The following NOP14 variants were observed in gnomAD, a reference collection of about 807,000 sequenced individuals.
NOP14 encodes the protein NOP14 nucleolar protein.
NOP14 carries 57 observed loss-of-function variants against 101.6 expected under a neutral mutation model. The ratio of observed to expected loss-of-function variants is 0.56; its 90% CI spans 0.45 to 0.70. NOP14 has a LOEUF of 0.70. Ranked by LOEUF, NOP14 falls within the 30% of genes least tolerant of loss-of-function variation. The pLI is 0.00. For missense variants in NOP14, 1,134 were observed against 1,075.5 expected (o/e 1.05, Z -0.76); for synonymous variants, 428 against 424.0 (o/e 1.01, Z -0.12).
chr4:2,950,652 T>TA (rs1425924264), intron 7 of NOP14: 1 of 201,736 alleles, frequency 5.0e-6, no homozygotes, highest in Non-Finnish European at 1.0e-5. Context: ...CCCTGACTGA[T>TA]ACACTCTTAA....
Position 2,956,691 on chromosome 4 carries a change from C to A in NOP14, c.451G>T (p.Glu151Ter). Reference sequence around the variant, plus strand: ...TCACCAGACAACGTTCCTCGATCCTCAGCATCGCTGTCACTGTCCACAATG... The same window carrying A: ...TCACCAGACAACGTTCCTCGATCCTAAGCATCGCTGTCACTGTCCACAATG... ...NDIVDSDSDA[E>*]DRGTLSAELT... The change falls in exon 3 of 18, where the codon GAG (glutamate) becomes TAG (stop). Residue 151 changes from glutamate to a stop codon, truncating the protein, a stop_gained. Coordinates refer to ENST00000416614, the MANE Select transcript of NOP14 (RefSeq NM_001291978.2). LOFTEE classifies it high-confidence loss of function. 1 of 1,612,952 alleles carries A rather than the reference C, an allele frequency of 6.2e-7. No homozygotes were observed. Among genetic ancestry groups the A allele is most frequent in the Non-Finnish European group, 8.5e-7 (1 of 1,179,696 alleles).
intron 6 of NOP14, among the ~76,000 whole-genome samples, chr4:2,951,639 G>T (rs953271829): frequency 1.3e-5 from 2 of 152,082 alleles, no homozygotes; most frequent in Non-Finnish European, 2.9e-5. Context: ...CTGGACACGG[G>T]AAGAAGCTAG....
intron 1 of NOP14, among the ~76,000 whole-genome samples, chr4:2,959,340 T>C (rs183569196): frequency 0.018 from 2,687 of 152,244 alleles, 45 homozygotes; most frequent in Non-Finnish European, 0.027. Flanking sequence ...CGCCTGTAAT[T>C]CCAGCACTCT....
chr4:2,938,390 C>T lies in NOP14; in HGVS notation c.*441G>A, dbSNP rs1288807873. The T allele has an allele frequency of 1.3e-5, 5 of 393,306 alleles. No individual in the cohort carries two copies. The East Asian group carries it at 2.4e-4, about 19-fold the overall frequency. The allele number at this position is 393,306 out of a possible 1,614,324, so 24.4% of individuals were successfully genotyped here. A position where few individuals can be genotyped will look rare whatever the true frequency, so the allele number is the denominator to read the frequency against. Reference sequence around the variant, plus strand: ...ACAAAATTAGCTGGGCGTGGTGGCACATGTCTGTAATCCCAGCTACTCGGG... The same window carrying T: ...ACAAAATTAGCTGGGCGTGGTGGCATATGTCTGTAATCCCAGCTACTCGGG... On this transcript the variant is annotated 3_prime_UTR_variant, in exon 18 of 18. Transcript: ENST00000416614.
chr4:2,959,377 G>T (rs566318915), intron 1 of NOP14, among the ~76,000 whole-genome samples: 2 of 152,112 alleles, frequency 1.3e-5, no homozygotes, highest in Non-Finnish European at 2.9e-5. Context: ...CGGATCACGA[G>T]GTTAGAAGAT....
chr4:2,955,505 ACCACAGCGCCCCCTCTAGTCACCTGCACG>A (rs1715293515), intron 3 of NOP14, among the ~76,000 whole-genome samples: 2 of 125,858 alleles, frequency 1.6e-5, no homozygotes, highest in Admixed American at 1.7e-4. Context: ...AGTCACCTGC[ACCACAGCGCCCCCTCTAGTCACCTGCACG>A]CCACGGCGCC....
rs771860782 is a variant in NOP14 at position 2,939,218 on chromosome 4, G to A, written c.2444C>T (p.Ala815Val). ...CATGATTTCTGAGAGTTGCATCCTC[G>A]CCAGGAACTGATTGTCCTTGCGGAT... ...REIRKDNQFLARMQLSEIMER... is the reference protein window; with the variant it reads ...REIRKDNQFLVRMQLSEIMER... Residue 815 changes from alanine to valine, a missense_variant, in exon 17 of 18, where the codon GCG becomes GTG. By Grantham distance (64) the Ala-to-Val change is moderately conservative. Coordinates refer to ENST00000416614, the MANE Select transcript of NOP14 (RefSeq NM_001291978.2). The A allele has an allele frequency of 6.2e-7, 1 of 1,613,940 alleles. No homozygotes were observed.
At chr4:2,951,452 G>C (rs1715024060) in intron 6 of NOP14, among the ~76,000 whole-genome samples, 1 of 152,144 alleles carries the variant, frequency 6.6e-6, no homozygotes, top group South Asian at 2.1e-4. Context: ...AAAATCAACT[G>C]TTCAAACTTT....
In NOP14 at chr4:2,947,601, CCAAA is replaced by C; in HGVS notation, c.1420_1423del (p.Phe474AlafsTer57). 1.7e-5 allele frequency: 28 copies of C among 1,613,750 alleles called. No individual in the cohort carries two copies. The highest frequency in any genetic ancestry group is 2.4e-5 in the Non-Finnish European group (28 of 1,179,716). ...ATCGCCAACGTATTCCAAAAGAAAG[CCAAA>C]CAGTTTCTGCAGGAACATGAATTGG... On this transcript the variant is annotated frameshift_variant, in exon 10 of 18. Coordinates refer to ENST00000416614, the MANE Select transcript of NOP14 (RefSeq NM_001291978.2). LOFTEE classifies it high-confidence loss of function.
At chr4:2,941,235 G>C (rs1348589244) in intron 15 of NOP14, 1 of 248,422 alleles carries the variant, frequency 4.0e-6, no homozygotes, top group Non-Finnish European at 7.9e-6. Flanking sequence ...GACCATCCTT[G>C]GAAAACCCAT....
At position 2,960,793 on chromosome 4, in the gene NOP14, AATATTAAT is replaced by A. The variant is rs1470624237; in HGVS notation, c.195+2324_195+2331del. Among the ~76,000 whole-genome samples the A allele has an allele frequency of 3.3e-5, 3 of 91,594 alleles. 1 individual carries two copies. In the South Asian group the frequency reaches 8.4e-4, roughly 26 times the overall value. 60.1% of individuals were successfully genotyped at this position (91,594 alleles called of 152,430 possible). A position where few individuals can be genotyped will look rare whatever the true frequency, so the allele number is the denominator to read the frequency against. On this transcript the variant is annotated intron_variant, in intron 1 of 17. Transcript: ENST00000416614. ...AATATATTAATATTATAATCACATT[AATATTAAT>A]ATATTAATATTATAATCACATTATC...
intron 1 of NOP14, among the ~76,000 whole-genome samples, chr4:2,961,116 A>G (rs1206183241): frequency 4.2e-5 from 4 of 95,446 alleles, no homozygotes; most frequent in African/African-American, 2.1e-4. Context: ...TTAATAATAT[A>G]TTAATATTAT....
At position 2,944,138 on chromosome 4, in the gene NOP14, A is replaced by G. The variant is rs1295330636; in HGVS notation, c.1826T>C (p.Ile609Thr). 3 of 1,613,958 alleles carry G rather than the reference A, an allele frequency of 1.9e-6. No individual in the cohort carries two copies. The highest frequency in any genetic ancestry group is 8.5e-7 in the Non-Finnish European group (1 of 1,179,936). ...LEYVALSQRF[I>T]PELINFLLGI... ...AAGAAGAAAATTAATAAGCTCAGGT[A>G]TAAACCTCTGGGACAAAGCCACATA... is the stretch of plus-strand genomic sequence containing the variant. The change falls in exon 13 of 18, where the codon ATA becomes ACA. Residue 609 changes from isoleucine to threonine, a missense_variant. Ile to Thr is a moderately conservative substitution (Grantham distance 89). Coordinates refer to ENST00000416614, the MANE Select transcript of NOP14 (RefSeq NM_001291978.2).
chr4:2,942,006 A>G, intron 14 of NOP14, 186 bp downstream of exon 14: 1 of 652,344 alleles, frequency 1.5e-6, no homozygotes. Context: ...AAGCAAATGT[A>G]TTTTGAAAAT....
In NOP14 at chr4:2,938,310, C is replaced by T. The variant is rs191535552; in HGVS notation, c.*521G>A. ...CCAAGGCAGGTGGATTACCTGAGGT[C>T]GGGAATTCGAGACCAGCCTGACCAA... On this transcript the variant is annotated 3_prime_UTR_variant, in exon 18 of 18. Coordinates refer to ENST00000416614, the MANE Select transcript of NOP14 (RefSeq NM_001291978.2). 338 of 969,568 alleles carry T rather than the reference C, an allele frequency of 3.5e-4. 1 individual carries two copies. In the African/African-American group the frequency reaches 3.9e-3, roughly 11 times the overall value. 60.1% of individuals were successfully genotyped at this position (969,568 alleles called of 1,614,324 possible).
chr4:2,947,896 C>T (rs532468109), intron 9 of NOP14, among the ~76,000 whole-genome samples: 53 of 152,368 alleles, frequency 3.5e-4, no homozygotes, highest in African/African-American at 1.2e-3. Context: ...ACGGGCAGCA[C>T]GGCGTCCTCC....
rs1560311946 is a variant in NOP14 at position 2,961,131 on chromosome 4, ATAT to A, written c.195+1991_195+1993del. Among the ~76,000 whole-genome samples the A allele has an allele frequency of 5.3e-5, 4 of 75,066 alleles. 1 individual carries two copies. Among genetic ancestry groups the A allele is most frequent in the Admixed American group, 2.9e-4 (2 of 6,836 alleles). 49.2% of individuals were successfully genotyped at this position (75,066 alleles called of 152,430 possible). ...TTAATAATATATTAATATTATAATAATATATTAATATACTAATATAATAATATA... is the reference window on the plus strand; with the variant it reads ...TTAATAATATATTAATATTATAATAAATTAATATACTAATATAATAATATA... On this transcript the variant is annotated intron_variant, in intron 1 of 17. Coordinates refer to ENST00000416614, the MANE Select transcript of NOP14 (RefSeq NM_001291978.2).
At position 2,951,077 on chromosome 4, in the gene NOP14, AAG is replaced by A. The variant is rs761246522; in HGVS notation, c.1002+35_1002+36del. On this transcript the variant is annotated intron_variant, in intron 7 of 17. Coordinates refer to ENST00000416614, the MANE Select transcript of NOP14 (RefSeq NM_001291978.2). ...CAAAAAAATGTTTTTAAATTAAAAA[AAG>A]AGAGAGAAAGAGAAAATGAAGGCAA... 10 of 1,545,538 alleles carry A rather than the reference AAG, an allele frequency of 6.5e-6. No individual in the cohort carries two copies. In the Admixed American group the frequency reaches 1.0e-4, roughly 16 times the overall value.
chr4:2,958,754 T>C (rs561025698), intron 1 of NOP14, among the ~76,000 whole-genome samples: 38 of 152,282 alleles, frequency 2.5e-4, no homozygotes, highest in African/African-American at 8.2e-4. Context: ...GCCACTCTGG[T>C]TCCAAGTTCT....
Sources: allele counts gnomAD v4.1 joint callset (sites outside exome capture counted in the v4.1 genomes callset), GRCh38; gene constraint gnomAD v4.1.1; transcripts MANE v1.5; gene names NCBI Gene and HGNC (gene_info 2026-07-23, HGNC 2026-07-21).